The following SMIM35 variants were observed in gnomAD, a reference collection of about 807,000 sequenced individuals.
SMIM35 encodes TMPRSS4 antisense RNA 1 (non-protein coding).
At chr11:118,050,537 C>T (rs184836030) in intron 1 of SMIM35, among the ~76,000 whole-genome samples, 9 of 152,198 alleles carry the variant, frequency 5.9e-5, no homozygotes, top group Non-Finnish European at 1.2e-4. Flanking sequence ...AGACCTTGGG[C>T]AAGAAGGTGG....
At chr11:118,010,260 G>A (rs77174180) in intron 4 of SMIM35, among the ~76,000 whole-genome samples, 1 of 152,192 alleles carries the variant, frequency 6.6e-6, no homozygotes, top group Non-Finnish European at 1.5e-5. Flanking sequence ...GAAGCAGAGA[G>A]AGGGGCACCA....
At chr11:118,037,674 A>G (rs1371335870) in intron 1 of SMIM35, among the ~76,000 whole-genome samples, 1 of 152,218 alleles carries the variant, frequency 6.6e-6, no homozygotes, top group Non-Finnish European at 1.5e-5. Flanking sequence ...TGATCTTGCA[A>G]GGTGACCAGG....
rs1309978549 is a variant in SMIM35 at position 118,009,190 on chromosome 11, G to A, written c.*34-2814C>T. 1.2e-4 allele frequency among the ~76,000 whole-genome samples: 18 copies of A among 152,240 alleles called. 1 individual carries two copies. The East Asian group carries it at 2.7e-3, about 23-fold the overall frequency. On this transcript the variant is annotated intron_variant, in intron 4 of 4. Coordinates refer to ENST00000689828, the MANE Select transcript of SMIM35 (RefSeq NM_001394165.1). ...GGGGCCTGGGGAGGACTGGGCTCCT[G>A]AGCGCCCTTCTCACCACACAAGGAG... is the stretch of plus-strand genomic sequence containing the variant.
intron 1 of SMIM35, among the ~76,000 whole-genome samples, chr11:118,035,922 C>G (rs1157275589): frequency 6.6e-6 from 1 of 151,472 alleles, no homozygotes; most frequent in African/African-American, 2.4e-5. Flanking sequence ...GAGTCTCGCT[C>G]TATCGCCCAG....
chr11:118,057,453 G>A (rs1478591963), intron 1 of SMIM35, among the ~76,000 whole-genome samples: 1 of 152,150 alleles, frequency 6.6e-6, no homozygotes, highest in Non-Finnish European at 1.5e-5. Flanking sequence ...CCACTGTGGG[G>A]AAAGAACTGA....
chr11:118,051,298 CT>C (rs1325252455), intron 1 of SMIM35, among the ~76,000 whole-genome samples: 1 of 152,222 alleles, frequency 6.6e-6, no homozygotes, highest in Non-Finnish European at 1.5e-5. Flanking sequence ...TCACCCACCC[CT>C]GGGTCTCCCA....
intron 1 of SMIM35, among the ~76,000 whole-genome samples, chr11:118,081,341 G>C (rs1328606577): frequency 6.6e-6 from 1 of 152,216 alleles, no homozygotes; most frequent in East Asian, 1.9e-4. Context: ...GGGGAAGAGT[G>C]GGGCAGAGCC....
At chr11:118,066,689 C>T (rs535477131) in intron 1 of SMIM35, among the ~76,000 whole-genome samples, 1 of 152,164 alleles carries the variant, frequency 6.6e-6, no homozygotes, top group Admixed American at 6.5e-5. Context: ...ATTATCTTAG[C>T]CGGGCATGGT....
chr11:118,023,709 G>A (rs56029127), intron 1 of SMIM35, among the ~76,000 whole-genome samples: 14,572 of 151,998 alleles, frequency 0.096, 972 homozygotes, highest in East Asian at 0.37. Flanking sequence ...ACTATCCAAG[G>A]TGAGACATAG....
intron 1 of SMIM35, among the ~76,000 whole-genome samples, 166 bp from the exon 2 acceptor site, chr11:118,015,975 T>C (rs538596962): frequency 2.2e-4 from 33 of 152,372 alleles, no homozygotes; most frequent in Admixed American, 2.2e-3. Flanking sequence ...GATGAAAATG[T>C]CTGACACCTG....
intron 1 of SMIM35, among the ~76,000 whole-genome samples, chr11:118,027,736 CCT>C: frequency 6.6e-6 from 1 of 152,294 alleles, no homozygotes. Context: ...ACTTCCAACA[CCT>C]GTGGCAGGGA....
intron 1 of SMIM35, among the ~76,000 whole-genome samples, chr11:118,072,459 A>T (rs577674050): frequency 6.6e-6 from 1 of 152,262 alleles, no homozygotes; most frequent in South Asian, 2.1e-4. Context: ...TTGCACTCCA[A>T]CCTGGGTGAC....
chr11:118,062,991 G>T (rs1312890387), intron 1 of SMIM35, among the ~76,000 whole-genome samples: 1 of 152,044 alleles, frequency 6.6e-6, no homozygotes, highest in East Asian at 1.9e-4. Context: ...AGTGACCTCT[G>T]GTCGTCCTCA....
Position 118,004,683 on chromosome 11 carries a change from A to G in SMIM35, c.*1727T>C, listed in dbSNP as rs1029829909. 1 of 152,228 alleles carries G rather than the reference A, an allele frequency of 6.6e-6. No homozygotes were observed. Among genetic ancestry groups the G allele is most frequent in the Non-Finnish European group, 1.5e-5 (1 of 68,058 alleles). The allele number at this position is 152,228 out of a possible 1,614,324, so 9.4% of individuals were successfully genotyped here. A position where few individuals can be genotyped will look rare whatever the true frequency, so the allele number is the denominator to read the frequency against. On this transcript the variant is annotated 3_prime_UTR_variant, in exon 5 of 5. Coordinates refer to ENST00000689828, the MANE Select transcript of SMIM35 (RefSeq NM_001394165.1). The stretch of plus-strand genomic sequence containing the variant: ...TTGGAGAAGATCCCCAAACCCCTGC[A>G]GCCAATACAGTTAGAATATTCACGC...
chr11:118,026,891 A>T (rs1245022547), intron 1 of SMIM35, among the ~76,000 whole-genome samples: 1 of 152,140 alleles, frequency 6.6e-6, no homozygotes, highest in East Asian at 1.9e-4. Flanking sequence ...CTCTTCACAA[A>T]ATCCAAATTT....
rs537328410 is a variant in SMIM35, at chr11:118,047,243, G to A, written c.8-31434C>T. Among the ~76,000 whole-genome samples, 6 of 152,334 alleles carry A rather than the reference G, an allele frequency of 3.9e-5. No homozygotes were observed. In the South Asian group the frequency reaches 6.2e-4, roughly 16 times the overall value. ...TTAGCATATTGTGACATGTTTACAC[G>A]TGGTCTGTGACATGGATTTATTGGC... On this transcript the variant is annotated intron_variant, in intron 1 of 4. Coordinates refer to ENST00000689828, the MANE Select transcript of SMIM35 (RefSeq NM_001394165.1).
chr11:118,057,507 G>A (rs558455460), intron 1 of SMIM35, among the ~76,000 whole-genome samples: 1 of 152,256 alleles, frequency 6.6e-6, no homozygotes, highest in East Asian at 1.9e-4. Flanking sequence ...GGGAGACTCC[G>A]CTGGGCGCTG....
At position 118,059,767 on chromosome 11, in the gene SMIM35, C is replaced by A. The variant is rs376703484; in HGVS notation, c.7+26984G>T. 3.3e-5 allele frequency among the ~76,000 whole-genome samples: 5 copies of A among 152,190 alleles called. No individual in the cohort carries two copies. In the East Asian group the frequency reaches 9.6e-4, roughly 29 times the overall value. ...TCCCAGAGCCCTGCCTCACTCTGAG[C>A]CCAGATGAAACCCCAAACTGCTATT... On this transcript the variant is annotated intron_variant, in intron 1 of 4. Transcript: ENST00000689828.
chr11:118,007,553 G>A (rs1405265940), intron 4 of SMIM35, among the ~76,000 whole-genome samples: 1 of 152,110 alleles, frequency 6.6e-6, no homozygotes, highest in Non-Finnish European at 1.5e-5. Context: ...GCACCACCAT[G>A]CCCAGCTAAC....
Sources: allele counts gnomAD v4.1 joint callset (sites outside exome capture counted in the v4.1 genomes callset), GRCh38; gene constraint gnomAD v4.1.1; transcripts MANE v1.5; gene names NCBI Gene and HGNC (gene_info 2026-07-23, HGNC 2026-07-21).